Variants in EPB41L4B observed in about 807,000 individuals in gnomAD.
EPB41L4B encodes the protein band 4.1-like protein 4B.
EPB41L4B carries 30 observed loss-of-function variants against 112.5 expected under a neutral mutation model. The observed-to-expected ratio is 0.27, with a 90% CI of 0.20 to 0.36. EPB41L4B has a LOEUF of 0.36. Among genes scored for constraint, EPB41L4B ranks in the 10% least tolerant of loss-of-function variants. The pLI is 1.00. For missense variants in EPB41L4B, 1,024 were observed against 1,133.3 expected, an observed-to-expected ratio of 0.90 and a Z score of 1.38; for synonymous variants, 408 against 439.7, an observed-to-expected ratio of 0.93 and a Z score of 0.90.
At chr9:109,234,525 G>A (rs1834070719) in intron 15 of EPB41L4B, among the ~76,000 whole-genome samples, 1 of 152,140 alleles carries the variant, frequency 6.6e-6, no homozygotes, top group Admixed American at 6.5e-5. Flanking sequence ...GTAACTTTTG[G>A]CTATTTGTAT....
At chr9:109,273,246 C>T (rs990379771) in intron 2 of EPB41L4B, among the ~76,000 whole-genome samples, 1 of 146,092 alleles carries the variant, frequency 6.8e-6, no homozygotes, top group African/African-American at 2.5e-5. Context: ...TGTGGCATTT[C>T]TTTTTTTTTT....
At chr9:109,288,882 CA>C (rs775311628) in intron 1 of EPB41L4B, among the ~76,000 whole-genome samples, 68 of 150,698 alleles carry the variant, frequency 4.5e-4, no homozygotes, top group Non-Finnish European at 7.4e-4. Context: ...CTGGATAACA[CA>C]GCAAGACCTT....
intron 1 of EPB41L4B, among the ~76,000 whole-genome samples, chr9:109,317,596 G>T (rs1588246108): frequency 6.6e-6 from 1 of 152,212 alleles, no homozygotes; most frequent in Non-Finnish European, 1.5e-5. Flanking sequence ...TAATAAAAAG[G>T]TTTATGACAG....
intron 2 of EPB41L4B, among the ~76,000 whole-genome samples, chr9:109,269,409 C>T (rs540453605): frequency 5.3e-5 from 8 of 152,294 alleles, no homozygotes; most frequent in Non-Finnish European, 8.8e-5. Flanking sequence ...AAGTCAAAGT[C>T]GTTGATACTG....
chr9:109,299,732 C>T lies in EPB41L4B; in HGVS notation c.307-19811G>A, dbSNP rs117673130. ...AAAATACAGAACATTTTCAGCAATA[C>T]TCCTCACCCCTCGCAAAGTTCCTTG... On this transcript the variant is annotated intron_variant, in intron 1 of 25. Coordinates refer to ENST00000374566, the MANE Select transcript of EPB41L4B (RefSeq NM_019114.5). Among the ~76,000 whole-genome samples the T allele has an allele frequency of 3.0e-4, 46 of 151,914 alleles. No homozygotes were observed. The East Asian group carries it at 7.6e-3, about 25-fold the overall frequency.
In EPB41L4B at chr9:109,213,690, C is replaced by T. The variant is rs777835456; in HGVS notation, c.1752+10G>A. On this transcript the variant is annotated intron_variant, in intron 17 of 25. Transcript: ENST00000374566. Reference sequence around the variant, plus strand: ...GTCCATGGTCATGGCAGAGCCCCGGCCCTTGGCACCTTGTTTATGTTGATG... The same window carrying T: ...GTCCATGGTCATGGCAGAGCCCCGGTCCTTGGCACCTTGTTTATGTTGATG... 3 of 1,610,674 alleles carry T rather than the reference C, an allele frequency of 1.9e-6. No individual in the cohort carries two copies. The highest frequency in any genetic ancestry group is 1.1e-5 in the South Asian group (1 of 90,992).
chr9:109,175,480 C>T lies in EPB41L4B; in HGVS notation c.2634-857G>A, dbSNP rs550070742. 8.7e-5 allele frequency among the ~76,000 whole-genome samples: 13 copies of T among 149,490 alleles called. 1 individual carries two copies. The South Asian group carries it at 2.8e-3, about 32-fold the overall frequency. On this transcript the variant is annotated intron_variant, in intron 25 of 25. Transcript: ENST00000374566. ...TCTCCACTGTTTAAACACACACACA[C>T]ACACACACACACACACACACACACA...
chr9:109,173,958 T>C lies in EPB41L4B; in HGVS notation c.*596A>G, dbSNP rs888772294. On this transcript the variant is annotated 3_prime_UTR_variant, in exon 26 of 26. Coordinates refer to ENST00000374566, the MANE Select transcript of EPB41L4B (RefSeq NM_019114.5). ...TCTGTTTATTCCAAATAATATCATA[T>C]CCAAGGAGTTCACAAGTTAAATTAT... 1 of 152,262 alleles carries C rather than the reference T, an allele frequency of 6.6e-6. No homozygotes were observed. Among genetic ancestry groups the C allele is most frequent in the Non-Finnish European group, 1.5e-5 (1 of 68,034 alleles). The allele number at this position is 152,262 out of a possible 1,614,324, so 9.4% of individuals were successfully genotyped here.
At chr9:109,299,085 C>T (rs1249461281) in intron 1 of EPB41L4B, among the ~76,000 whole-genome samples, 2 of 152,172 alleles carry the variant, frequency 1.3e-5, no homozygotes, top group Non-Finnish European at 2.9e-5. Flanking sequence ...GACATTCTAA[C>T]GAGCGAAGTG....
rs1390627683 is a variant in EPB41L4B, at chr9:109,231,050, C to T, written c.1409+12568G>A. On this transcript the variant is annotated intron_variant, in intron 15 of 25. Transcript: ENST00000374566. ...GGTGCACGCCTGTAGTCCCAGCTAC[C>T]CAGGAGAATGAAGTGGGAGAAATGC... Among the ~76,000 whole-genome samples, 5 of 151,704 alleles carry T rather than the reference C, an allele frequency of 3.3e-5. No individual in the cohort carries two copies. The East Asian group carries it at 9.7e-4, about 29-fold the overall frequency.
intron 1 of EPB41L4B, among the ~76,000 whole-genome samples, chr9:109,306,496 C>A (rs1473649575): frequency 6.6e-6 from 1 of 152,166 alleles, no homozygotes; most frequent in African/African-American, 2.4e-5. Flanking sequence ...CGCCTGTAAT[C>A]CCAGCTACGG....
intron 1 of EPB41L4B, among the ~76,000 whole-genome samples, chr9:109,296,958 C>T (rs1836754030): frequency 6.6e-6 from 1 of 151,966 alleles, no homozygotes; most frequent in African/African-American, 2.4e-5. Context: ...ATCACACCCC[C>T]CACCCCAAAT....
At position 109,279,889 on chromosome 9, in the gene EPB41L4B, C is replaced by T. The variant is rs1041701241; in HGVS notation, c.339G>A (p.Gln113=). 1 of 1,614,006 alleles carries T rather than the reference C, an allele frequency of 6.2e-7. No homozygotes were observed. The highest frequency in any genetic ancestry group is 1.1e-5 in the South Asian group (1 of 91,060). ...CCACAAGGTCCAAGTGGTACACAATCTGATCAAACAAATCCTGGCCTTTGG... is the reference window on the plus strand; with the variant it reads ...CCACAAGGTCCAAGTGGTACACAATTTGATCAAACAAATCCTGGCCTTTGG... ...KHAKGQDLFD[Q]IVYHLDLVET... is the part of the protein sequence containing the mutation. Residue 113 remains glutamine, a synonymous_variant, in exon 2 of 26, where the codon CAG becomes CAA. Transcript: ENST00000374566.
At position 109,318,150 on chromosome 9, in the gene EPB41L4B, CGTGTGTGTGT is replaced by C. The variant is rs3983533; in HGVS notation, c.306+1981_306+1990del. Among the ~76,000 whole-genome samples the C allele has an allele frequency of 5.5e-3, 827 of 149,578 alleles. 10 individuals are homozygous for C. The highest frequency in any genetic ancestry group is 0.017 in the African/African-American group (707 of 40,812). On this transcript the variant is annotated intron_variant, in intron 1 of 25. Transcript: ENST00000374566. ...TCTGCCTGTGGACAGGGGGCATATA[CGTGTGTGTGT>C]GTGTGTGTGTGTGTGTGTGTGCACG...
At chr9:109,285,525 C>T (rs1015748618) in intron 1 of EPB41L4B, among the ~76,000 whole-genome samples, 4 of 152,170 alleles carry the variant, frequency 2.6e-5, no homozygotes, top group South Asian at 2.1e-4. Context: ...TTGTTTGCTA[C>T]CTTCTGCTGG....
chr9:109,204,669 A>AT (rs963949024), intron 18 of EPB41L4B, among the ~76,000 whole-genome samples: 70 of 151,254 alleles, frequency 4.6e-4, no homozygotes, highest in Middle Eastern at 3.4e-3. Context: ...TTTGTTTCAT[A>AT]TTTTTTTTGT....
chr9:109,186,508 T>C (rs575676671), intron 22 of EPB41L4B, among the ~76,000 whole-genome samples: 1 of 151,930 alleles, frequency 6.6e-6, no homozygotes, highest in Non-Finnish European at 1.5e-5. Context: ...AGGGTCTTGC[T>C]CTGTCACCCA....
intron 15 of EPB41L4B, among the ~76,000 whole-genome samples, chr9:109,228,865 G>A (rs978082464): frequency 6.6e-6 from 1 of 152,124 alleles, no homozygotes; most frequent in Non-Finnish European, 1.5e-5. Flanking sequence ...CATCTGAGAG[G>A]CTCATAAAGC....
At chr9:109,284,060 G>A (rs1836176445) in intron 1 of EPB41L4B, among the ~76,000 whole-genome samples, 1 of 152,052 alleles carries the variant, frequency 6.6e-6, no homozygotes, top group Non-Finnish European at 1.5e-5. Flanking sequence ...TCTAGCCTGG[G>A]TGACAGAGTG....
Sources: allele counts gnomAD v4.1 joint callset (sites outside exome capture counted in the v4.1 genomes callset), GRCh38; gene constraint gnomAD v4.1.1; transcripts MANE v1.5; gene names NCBI Gene and HGNC (gene_info 2026-07-23, HGNC 2026-07-21).